RCL1: variants seen among roughly 807,000 people sequenced by gnomAD.
The protein encoded by RCL1 is RNA terminal phosphate cyclase like 1.
In RCL1, 24 loss-of-function variants were observed where a neutral mutation model predicts 42.4. The observed-to-expected ratio is 0.57, with a 90% CI of 0.41 to 0.80. The LOEUF (loss-of-function observed/expected upper bound fraction) is 0.80. RCL1 is among the 30% of genes least tolerant of loss of function. The pLI, the probability that RCL1 is intolerant of heterozygous loss-of-function variation, is 0.00. For synonymous variants in RCL1, 228 were observed against 177.3 expected (o/e 1.29, Z -2.27); for missense variants, 578 against 467.9 (o/e 1.24, Z -2.17).
At position 4,802,657 on chromosome 9, in the gene RCL1, C is replaced by G. The variant is rs77394683; in HGVS notation, c.136+9430C>G. 2.2e-4 allele frequency among the ~76,000 whole-genome samples: 34 copies of G among 152,144 alleles called. 2 individuals are homozygous for G. In the East Asian group the frequency reaches 6.6e-3, roughly 29 times the overall value. ...TTTTACTTTGTTATTTACAAATATACGGAAGTAGTTTACTTAAATTTTTAT... is the reference window on the plus strand; with the variant it reads ...TTTTACTTTGTTATTTACAAATATAGGGAAGTAGTTTACTTAAATTTTTAT... On this transcript the variant is annotated intron_variant, in intron 1 of 8. Transcript: ENST00000381750.
chr9:4,793,240 G>T lies in RCL1; in HGVS notation c.136+13G>T. 2 of 1,582,568 alleles carry T rather than the reference G, an allele frequency of 1.3e-6. No individual in the cohort carries two copies. Among genetic ancestry groups the T allele is most frequent in the East Asian group, 4.6e-5 (2 of 43,068 alleles). Reference sequence around the variant, plus strand: ...CCGGGCCTCCGAGGTAACTTGGTGTGGGCGGCGCGCGGCGTGGGCGCGGGG... The same window carrying T: ...CCGGGCCTCCGAGGTAACTTGGTGTTGGCGGCGCGCGGCGTGGGCGCGGGG... On this transcript the variant is annotated intron_variant, in intron 1 of 8. Transcript: ENST00000381750.
At chr9:4,859,808 A>T (rs1414876547) in intron 8 of RCL1, among the ~76,000 whole-genome samples, 26 of 152,190 alleles carry the variant, frequency 1.7e-4, no homozygotes, top group Admixed American at 1.7e-3. Flanking sequence ...TTATAAAAAA[A>T]AGAGTCATCA....
rs748764289 is a variant in RCL1 at position 4,860,108 on chromosome 9, A to AT, written c.972-10dup. On this transcript the variant is annotated splice_polypyrimidine_tract_variant and intron_variant, in intron 8 of 8. Transcript: ENST00000381750. ...TGAATTTCTTTTTATTTATTTATTT[A>AT]TTTTTTTCCTTTTTAGGATAGAATT... 8.1e-6 allele frequency: 12 copies of AT among 1,489,896 alleles called. No homozygotes were observed. In the African/African-American group the frequency reaches 8.6e-5, roughly 11 times the overall value. 92.3% of individuals were successfully genotyped at this position (1,489,896 alleles called of 1,614,324 possible).
intron 8 of RCL1, among the ~76,000 whole-genome samples, chr9:4,855,889 C>T (rs778026333): frequency 6.6e-6 from 1 of 152,142 alleles, no homozygotes; most frequent in Non-Finnish European, 1.5e-5. Context: ...CACACTTGAG[C>T]CTGTGTTCCT....
intron 3 of RCL1, among the ~76,000 whole-genome samples, chr9:4,828,165 CAA>C (rs147771721): frequency 2.2e-4 from 11 of 50,732 alleles, no homozygotes; most frequent in African/African-American, 3.7e-4. Flanking sequence ...GACTCCGTCT[CAA>C]AAAAAAAAAA....
At chr9:4,845,181 CAGTT>C (rs1424743991) in intron 7 of RCL1, among the ~76,000 whole-genome samples, 1 of 152,128 alleles carries the variant, frequency 6.6e-6, no homozygotes, top group South Asian at 2.1e-4. Context: ...CACAGAATCT[CAGTT>C]AACAGATAAG....
chr9:4,808,173 C>T (rs1196067450), intron 1 of RCL1, among the ~76,000 whole-genome samples: 2 of 151,650 alleles, frequency 1.3e-5, no homozygotes, highest in Non-Finnish European at 2.9e-5. Context: ...GGATTTGTTT[C>T]TTGTTCATTT....
At chr9:4,838,965 C>T (rs1817226290) in intron 5 of RCL1, among the ~76,000 whole-genome samples, 1 of 152,234 alleles carries the variant, frequency 6.6e-6, no homozygotes, top group South Asian at 2.1e-4. Context: ...TTTGTGCCTC[C>T]AAACTCTGTG....
At chr9:4,839,633 G>A in intron 5 of RCL1, 1 of 983,590 alleles carries the variant, frequency 1.0e-6, no homozygotes, top group Non-Finnish European at 1.2e-6. Context: ...CTGAAGAGAT[G>A]GTGATGTAAC....
intron 3 of RCL1, among the ~76,000 whole-genome samples, chr9:4,829,817 G>A (rs1563844128): frequency 6.6e-6 from 1 of 152,200 alleles, no homozygotes; most frequent in East Asian, 1.9e-4. Flanking sequence ...ATACTGAATG[G>A]TGGTTCCTCC....
intron 8 of RCL1, among the ~76,000 whole-genome samples, chr9:4,854,937 C>G (rs1339471502): frequency 6.6e-6 from 1 of 151,744 alleles, no homozygotes; most frequent in Non-Finnish European, 1.5e-5. Context: ...TCTCTAATCC[C>G]AGCTACTCGG....
chr9:4,806,058 GTGTGTT>G (rs1356070185), intron 1 of RCL1, among the ~76,000 whole-genome samples: 2 of 147,372 alleles, frequency 1.4e-5, no homozygotes, highest in African/African-American at 2.5e-5. Context: ...GTGTGTGTGT[GTGTGTT>G]TGTGTGTGTA....
Position 4,860,511 on chromosome 9 carries a change from G to A in RCL1, c.*236G>A. 2.1e-6 allele frequency: 1 copy of A among 472,608 alleles called. No individual in the cohort carries two copies. The highest frequency in any genetic ancestry group is 4.0e-5 in the East Asian group (1 of 24,896). The allele number at this position is 472,608 out of a possible 1,614,324, so 29.3% of individuals were successfully genotyped here. On this transcript the variant is annotated 3_prime_UTR_variant, in exon 9 of 9. Coordinates refer to ENST00000381750, the MANE Select transcript of RCL1 (RefSeq NM_005772.5). ...GCCCAGTCACCATGAGAGCTCCCTT[G>A]CCTTACCTGGAGGAAGAATGTGCCT... is the stretch of plus-strand genomic sequence containing the variant.
rs1264676429 is a variant in RCL1, at chr9:4,844,653, C to T, written c.839C>T (p.Ala280Val). The T allele has an allele frequency of 1.4e-5, 22 of 1,613,340 alleles. No individual in the cohort carries two copies. The Admixed American group carries it at 3.3e-4, about 24-fold the overall frequency. Residue 280 changes from alanine (A) to valine (V), a missense_variant, in exon 7 of 9, where the codon GCC (alanine) becomes GTC (valine). By Grantham distance (64) the Ala-to-Val change is moderately conservative. Coordinates refer to ENST00000381750, the MANE Select transcript of RCL1 (RefSeq NM_005772.5). ...VLPEDLGRNC[A>V]RLLLEEIYRG... ...CCAGAGGACCTTGGCAGGAACTGTG[C>T]CCGGCTGCTGCTGGAGGAAATCTAC...
chr9:4,855,880 A>G (rs1817942425), intron 8 of RCL1, among the ~76,000 whole-genome samples: 1 of 152,288 alleles, frequency 6.6e-6, no homozygotes, highest in African/African-American at 2.4e-5. Flanking sequence ...ACAGGCCTGC[A>G]CACTTGAGCC....
At chr9:4,827,293 G>A (rs753986616) in intron 3 of RCL1, 124 of 1,257,172 alleles carry the variant, frequency 9.9e-5, no homozygotes, top group Non-Finnish European at 1.2e-4. Flanking sequence ...GATGCTCTCC[G>A]TCTCATCATA....
intron 1 of RCL1, among the ~76,000 whole-genome samples, chr9:4,796,396 A>G (rs934811430): frequency 1.7e-4 from 26 of 152,134 alleles, no homozygotes; most frequent in African/African-American, 6.0e-4. Context: ...TGTTGTTGCA[A>G]AGGACATTAT....
At chr9:4,813,856 C>A (rs1816271023) in intron 1 of RCL1, among the ~76,000 whole-genome samples, 1 of 152,118 alleles carries the variant, frequency 6.6e-6, no homozygotes, top group African/African-American at 2.4e-5. Context: ...TACTGTGCAG[C>A]CATAAAAAAT....
At chr9:4,856,762 C>T (rs1817975990) in intron 8 of RCL1, among the ~76,000 whole-genome samples, 1 of 152,156 alleles carries the variant, frequency 6.6e-6, no homozygotes, top group Non-Finnish European at 1.5e-5. Flanking sequence ...GGAAGGAAAG[C>T]AAGGAATTGG....
Sources: allele counts gnomAD v4.1 joint callset (sites outside exome capture counted in the v4.1 genomes callset), GRCh38; gene constraint gnomAD v4.1.1; transcripts MANE v1.5; gene names NCBI Gene and HGNC (gene_info 2026-07-23, HGNC 2026-07-21).